Variants in SLC26A3 observed in about 807,000 individuals in gnomAD.
SLC26A3 encodes solute carrier family 26 member 3.
A neutral mutation model predicts 85.6 loss-of-function variants in SLC26A3; 64 were observed. That is an observed-to-expected ratio of 0.75 (90% CI 0.61 to 0.92). The LOEUF (loss-of-function observed/expected upper bound fraction) is 0.92, where lower values mean the gene tolerates loss of function less well. SLC26A3 is among the 40% of genes least tolerant of loss of function. SLC26A3 has a pLI of 0.00. For synonymous variants in SLC26A3, 349 were observed against 336.0 expected (o/e 1.04, Z -0.42); for missense variants, 922 against 927.3 (o/e 0.99, Z 0.07).
chr7:107,776,774 CTT>C, intron 13 of SLC26A3, 68 bp from the exon 14 acceptor site: 1 of 1,358,604 alleles, frequency 7.4e-7, no homozygotes, highest in Non-Finnish European at 1.0e-6. Flanking sequence ...CTAACACTGA[CTT>C]TTTCCAGCAT....
intron 5 of SLC26A3, among the ~76,000 whole-genome samples, chr7:107,790,169 C>T (rs1794368704): frequency 6.6e-6 from 1 of 152,170 alleles, no homozygotes; most frequent in South Asian, 2.1e-4. Flanking sequence ...TATTGGACAT[C>T]AGAAGTGCTT....
At chr7:107,786,972 G>A in intron 7 of SLC26A3, 63 bp from the exon 8 acceptor site, 1 of 1,427,832 alleles carries the variant, frequency 7.0e-7, no homozygotes, top group Non-Finnish European at 9.9e-7. Context: ...TTGCTTTGAA[G>A]AAAAATAAAT....
At chr7:107,789,837 G>A (rs1794362934) in intron 5 of SLC26A3, 149 bp from the exon 6 acceptor site, 1 of 778,872 alleles carries the variant, frequency 1.3e-6, no homozygotes, top group South Asian at 1.8e-5. Flanking sequence ...CTGCCTCCTG[G>A]GACGCCTCCC....
chr7:107,776,422 G>A (rs192212308), intron 15 of SLC26A3, 30 bp downstream of exon 15: 6 of 1,541,542 alleles, frequency 3.9e-6, no homozygotes, highest in Non-Finnish European at 5.4e-6. Flanking sequence ...AAGATTACAA[G>A]GAAAAAAATT....
intron 1 of SLC26A3, among the ~76,000 whole-genome samples, chr7:107,796,124 A>T (rs977319553): frequency 7.1e-6 from 1 of 141,446 alleles, no homozygotes; most frequent in Non-Finnish European, 1.5e-5. Flanking sequence ...TATTATTATT[A>T]TTAGAGACAG....
Position 107,783,199 on chromosome 7 carries a change from A to C in SLC26A3, c.1119+6T>G. The C allele has an allele frequency of 1.2e-6, 2 of 1,614,198 alleles. No homozygotes were observed. The highest frequency in any genetic ancestry group is 1.7e-6 in the Non-Finnish European group (2 of 1,180,004). ...CAGTGAGACCCAGTGTAGTTTGTTT[A>C]CTTACCTGATTGCCATCAAGTGGAT... On this transcript the variant is annotated splice_donor_region_variant and intron_variant, in intron 9 of 20. Coordinates refer to ENST00000340010, the MANE Select transcript of SLC26A3 (RefSeq NM_000111.3).
chr7:107,794,280 T>C (rs1447809482), intron 2 of SLC26A3, 99 bp downstream of exon 2: 5 of 1,349,610 alleles, frequency 3.7e-6, no homozygotes, highest in Non-Finnish European at 5.3e-6. Context: ...CTGTAGGCTG[T>C]GGACTAGAGC....
At chr7:107,778,810 T>A (rs929343125) in intron 12 of SLC26A3, among the ~76,000 whole-genome samples, 1 of 151,870 alleles carries the variant, frequency 6.6e-6, no homozygotes, top group Non-Finnish European at 1.5e-5. Flanking sequence ...GGCAACATAG[T>A]GAGAATCTGC....
intron 18 of SLC26A3, 38 bp from the exon 19 acceptor site, chr7:107,767,946 ATTGT>A (rs1363214209): frequency 3.1e-6 from 5 of 1,600,930 alleles, no homozygotes; most frequent in Non-Finnish European, 4.3e-6. Context: ...GGAAGAAACA[ATTGT>A]TTGGCTACCG....
At chr7:107,791,003 A>C in intron 5 of SLC26A3, 45 bp downstream of exon 5, 4 of 1,593,526 alleles carry the variant, frequency 2.5e-6, no homozygotes, top group Non-Finnish European at 3.4e-6. Flanking sequence ...GTAACAGTCA[A>C]GATGAACAGA....
chr7:107,783,449 G>A, intron 8 of SLC26A3, 97 bp from the exon 9 acceptor site: 1 of 1,411,868 alleles, frequency 7.1e-7, no homozygotes, highest in African/African-American at 1.4e-5. Flanking sequence ...TCTAGGCTGA[G>A]TTGTGTCTCA....
Position 107,774,813 on chromosome 7 carries a change from T to G in SLC26A3, c.1737A>C (p.Arg579=), listed in dbSNP as rs1794083990. 1.2e-6 allele frequency: 2 copies of G among 1,614,064 alleles called. No homozygotes were observed. Residue 579 remains arginine (R), a synonymous_variant, in exon 16 of 21, where the codon CGA becomes CGC. Transcript: ENST00000340010. ...GTAGCAAGCCTTGCTTCTGCAGTTT[T>G]CGGATTTTCCTCAAAGCTTTGTTGC... The part of the protein sequence containing the change: ...RKRNKALRKI[R]KLQKQGLLQV...
intron 17 of SLC26A3, among the ~76,000 whole-genome samples, chr7:107,772,913 T>C (rs1166438567): frequency 3.9e-5 from 6 of 152,198 alleles, no homozygotes; most frequent in Non-Finnish European, 1.5e-5. Context: ...TTCCATTTTC[T>C]AATTTTGTAT....
At position 107,778,276 on chromosome 7, in the gene SLC26A3, A is replaced by G; in HGVS notation, c.1413T>C (p.Ile471=). The change falls in exon 13 of 21, where the codon ATT becomes ATC. Residue 471 remains isoleucine, a synonymous_variant. Coordinates refer to ENST00000340010, the MANE Select transcript of SLC26A3 (RefSeq NM_000111.3). ...LWRKDKYDCL[I]WIMTFIFTIV... Reference sequence around the variant, plus strand: ...TGGTGAAGATGAAGGTCATGATCCAAATTAACTGTGAAAAGAAAGCAACAC... The same window carrying G: ...TGGTGAAGATGAAGGTCATGATCCAGATTAACTGTGAAAAGAAAGCAACAC... The G allele has an allele frequency of 6.2e-7, 1 of 1,609,340 alleles. No homozygotes were observed. The highest frequency in any genetic ancestry group is 8.5e-7 in the Non-Finnish European group (1 of 1,175,886).
intron 1 of SLC26A3, among the ~76,000 whole-genome samples, chr7:107,795,672 C>A (rs1286963715): frequency 6.6e-6 from 1 of 152,146 alleles, no homozygotes; most frequent in Non-Finnish European, 1.5e-5. Context: ...TGTCATGCAG[C>A]TTCTCTATTG....
rs772231837 is a variant in SLC26A3 at position 107,783,366 on chromosome 7, TAAGC to T, written c.972-18_972-15del. On this transcript the variant is annotated splice_polypyrimidine_tract_variant and intron_variant, in intron 8 of 20. Transcript: ENST00000340010. ...GGGGGCTGAAATCTAAAATTGAAAT[TAAGC>T]AAGTCTGAATGTCACCAACCAATTT... 1 of 1,614,076 alleles carries T rather than the reference TAAGC, an allele frequency of 6.2e-7. No homozygotes were observed. Among genetic ancestry groups the T allele is most frequent in the Non-Finnish European group, 8.5e-7 (1 of 1,179,958 alleles).
chr7:107,781,039 T>G (rs1015482154), intron 11 of SLC26A3, among the ~76,000 whole-genome samples: 1 of 152,172 alleles, frequency 6.6e-6, no homozygotes, highest in South Asian at 2.1e-4. Context: ...TTTTTTCCAT[T>G]GGGCATTATT....
At chr7:107,777,967 C>T (rs2115826363) in intron 13 of SLC26A3, among the ~76,000 whole-genome samples, 1 of 152,362 alleles carries the variant, frequency 6.6e-6, no homozygotes, top group African/African-American at 2.4e-5. Flanking sequence ...AGCAAGTCTC[C>T]TCCCTGGGCT....
intron 6 of SLC26A3, among the ~76,000 whole-genome samples, chr7:107,788,745 T>C (rs1794339603): frequency 6.6e-6 from 1 of 151,514 alleles, no homozygotes; most frequent in Admixed American, 6.6e-5. Context: ...TTTTCTTTCG[T>C]TTCCTTTTTT....
Sources: allele counts gnomAD v4.1 joint callset (sites outside exome capture counted in the v4.1 genomes callset), GRCh38; gene constraint gnomAD v4.1.1; transcripts MANE v1.5; gene names NCBI Gene and HGNC (gene_info 2026-07-23, HGNC 2026-07-21).